The following ENTREP2 variants were observed in gnomAD, a reference collection of about 807,000 sequenced individuals.
The protein encoded by ENTREP2 is protein ENTREP2.
the ENTREP2 span, among the ~76,000 whole-genome samples, chr15:29,362,003 T>G: frequency 6.6e-6 from 1 of 152,140 alleles, no homozygotes; most frequent in Non-Finnish European, 1.5e-5. Flanking sequence ...TCACAGCACA[T>G]TAACCAACAG....
chr15:29,550,461 T>G, the ENTREP2 span, among the ~76,000 whole-genome samples: 1 of 152,174 alleles, frequency 6.6e-6, no homozygotes, highest in African/African-American at 2.4e-5. Flanking sequence ...GAAAGGATCT[T>G]CTCCATTATT....
the ENTREP2 span, among the ~76,000 whole-genome samples, chr15:29,198,982 A>G: frequency 2.9e-3 from 445 of 152,378 alleles, no homozygotes; most frequent in Non-Finnish European, 4.9e-3. Flanking sequence ...TGCCATTTAT[A>G]TATCTATTCT....
At chr15:29,297,584 T>C in the ENTREP2 span, among the ~76,000 whole-genome samples, 8 of 152,150 alleles carry the variant, frequency 5.3e-5, no homozygotes, top group Admixed American at 4.6e-4. Context: ...CATCACACAT[T>C]AAAAGTTGCT....
chr15:29,656,751 A>C, the ENTREP2 span, among the ~76,000 whole-genome samples: 1 of 152,176 alleles, frequency 6.6e-6, no homozygotes, highest in Admixed American at 6.5e-5. Context: ...ATCTTGCTTG[A>C]AAGAAAGCAA....
the ENTREP2 span, among the ~76,000 whole-genome samples, chr15:29,182,095 T>C: frequency 1.3e-5 from 2 of 152,012 alleles, no homozygotes; most frequent in South Asian, 4.2e-4. Context: ...GGCAAACTGT[T>C]AGAGAATAAA....
At chr15:29,674,135 G>GC in the ENTREP2 span, among the ~76,000 whole-genome samples, 1 of 149,738 alleles carries the variant, frequency 6.7e-6, no homozygotes, top group Admixed American at 6.6e-5. Flanking sequence ...GGATGGGGGG[G>GC]GGGGGGGGCT....
At chr15:29,172,921 C>T in the ENTREP2 span, among the ~76,000 whole-genome samples, 4 of 152,124 alleles carry the variant, frequency 2.6e-5, no homozygotes, top group Admixed American at 2.6e-4. Context: ...GGCTCCTGTC[C>T]CTCCCAGGTT....
chr15:29,125,456 G>A, the ENTREP2 span, among the ~76,000 whole-genome samples: 3 of 152,240 alleles, frequency 2.0e-5, no homozygotes, highest in South Asian at 6.2e-4. Flanking sequence ...GGCCACTGCG[G>A]GCTCTGGTTC....
the ENTREP2 span, among the ~76,000 whole-genome samples, chr15:29,415,083 G>A: frequency 2.4e-4 from 37 of 152,304 alleles, no homozygotes; most frequent in African/African-American, 8.2e-4. Flanking sequence ...ACAAGGAGGA[G>A]CTGGTACCAT....
At chr15:29,625,271 T>C in the ENTREP2 span, among the ~76,000 whole-genome samples, 9 of 152,206 alleles carry the variant, frequency 5.9e-5, no homozygotes, top group African/African-American at 1.2e-4. Flanking sequence ...TCTTCACCCT[T>C]TGAAGGACAT....
At chr15:29,129,241 T>G in the ENTREP2 span, among the ~76,000 whole-genome samples, 1 of 151,890 alleles carries the variant, frequency 6.6e-6, no homozygotes, top group Non-Finnish European at 1.5e-5. Context: ...TTTTTTGTAT[T>G]TTTAGTAGAG....
At chr15:29,167,250 T>A in the ENTREP2 span, among the ~76,000 whole-genome samples, 185 of 152,316 alleles carry the variant, frequency 1.2e-3, no homozygotes, top group Middle Eastern at 0.014. Flanking sequence ...CTTCTAGGCA[T>A]TGGCTTAGGC....
chr15:29,366,519 A>C, the ENTREP2 span, among the ~76,000 whole-genome samples: 1 of 152,220 alleles, frequency 6.6e-6, no homozygotes, highest in African/African-American at 2.4e-5. Flanking sequence ...CCATGGAAGC[A>C]CCACCGCAAT....
chr15:29,559,392 T>C, the ENTREP2 span, among the ~76,000 whole-genome samples: 1 of 151,960 alleles, frequency 6.6e-6, no homozygotes, highest in African/African-American at 2.4e-5. Context: ...TAAACAACTC[T>C]CCCCTCCTGT....
At chr15:29,234,671 G>C in the ENTREP2 span, 1 of 1,566,896 alleles carries the variant, frequency 6.4e-7, no homozygotes, top group Non-Finnish European at 8.8e-7. Context: ...AGAGAGAAAA[G>C]TGTAAGGGTC....
At chr15:29,627,436 G>A in the ENTREP2 span, among the ~76,000 whole-genome samples, 4 of 151,850 alleles carry the variant, frequency 2.6e-5, no homozygotes, top group South Asian at 2.1e-4. Context: ...CCAGCTACTC[G>A]GGAGGCTGAG....
the ENTREP2 span, among the ~76,000 whole-genome samples, chr15:29,564,103 T>C: frequency 6.6e-6 from 1 of 152,278 alleles, no homozygotes; most frequent in East Asian, 1.9e-4. Flanking sequence ...AAGTTCCCAA[T>C]AGATCAGGAA....
At chr15:29,463,887 G>GA in the ENTREP2 span, among the ~76,000 whole-genome samples, 1 of 152,154 alleles carries the variant, frequency 6.6e-6, no homozygotes, top group Non-Finnish European at 1.5e-5. Flanking sequence ...AAAAAGGAGG[G>GA]AAATATTGAC....
chr15:29,537,198 TCC>T, the ENTREP2 span, among the ~76,000 whole-genome samples: 1 of 152,066 alleles, frequency 6.6e-6, no homozygotes, highest in South Asian at 2.1e-4. Flanking sequence ...GATCAACTGG[TCC>T]CAAGGGAGGG....
Sources: allele counts gnomAD v4.1 joint callset (sites outside exome capture counted in the v4.1 genomes callset), GRCh38; gene constraint gnomAD v4.1.1; transcripts MANE v1.5; gene names NCBI Gene and HGNC (gene_info 2026-07-23, HGNC 2026-07-21).